Variants in MTREX observed in about 807,000 individuals in gnomAD.
MTREX encodes the protein exosome RNA helicase MTR4.
Under a neutral mutation model 135.4 loss-of-function variants are expected in MTREX, and 76 were observed. The ratio of observed to expected loss-of-function variants is 0.56; its 90% CI spans 0.47 to 0.68. MTREX has a LOEUF of 0.68. Among genes scored for constraint, MTREX ranks in the 30% least tolerant of loss-of-function variants. The pLI is 0.00. For missense variants in MTREX, 920 were observed against 1,262.1 expected (o/e 0.73, Z 4.11); for synonymous variants, 404 against 401.6 (o/e 1.01, Z -0.07).
chr5:55,389,847 T>A (rs199652888), intron 19 of MTREX, among the ~76,000 whole-genome samples: 1 of 140,422 alleles, frequency 7.1e-6, no homozygotes, highest in African/African-American at 2.8e-5. Context: ...TAATTATATA[T>A]GTTTTATAAA....
chr5:55,405,340 AT>A lies in MTREX; in HGVS notation c.2482-79del, dbSNP rs564013513. 1.9e-5 allele frequency: 23 copies of A among 1,203,682 alleles called. No homozygotes were observed. The South Asian group carries it at 2.1e-4, about 11-fold the overall frequency. The allele number at this position is 1,203,682 out of a possible 1,614,324, so 74.6% of individuals were successfully genotyped here. On this transcript the variant is annotated intron_variant, in intron 21 of 26. Transcript: ENST00000230640. The stretch of plus-strand genomic sequence containing the variant: ...ATACTGTAAGATGTTCTTTAAAAAT[AT>A]TTTTTGTTTGATTTCATGAATAAAT...
At chr5:55,355,224 C>T (rs989108790) in intron 14 of MTREX, among the ~76,000 whole-genome samples, 2 of 152,144 alleles carry the variant, frequency 1.3e-5, no homozygotes, top group African/African-American at 2.4e-5. Flanking sequence ...CACTCCCAGG[C>T]TCTCTATACT....
At chr5:55,381,431 C>G (rs1398129574) in intron 18 of MTREX, among the ~76,000 whole-genome samples, 1 of 152,168 alleles carries the variant, frequency 6.6e-6, no homozygotes, top group Admixed American at 6.5e-5. Context: ...GACGCTTTAG[C>G]TGTATTCCAT....
chr5:55,370,652 G>A (rs1187980822), intron 16 of MTREX, among the ~76,000 whole-genome samples: 5 of 152,316 alleles, frequency 3.3e-5, no homozygotes, highest in East Asian at 3.9e-4. Context: ...AGGAATTTGA[G>A]TGATGAAAGA....
chr5:55,320,789 G>T (rs1749275876), intron 1 of MTREX, among the ~76,000 whole-genome samples: 1 of 152,184 alleles, frequency 6.6e-6, no homozygotes, highest in African/African-American at 2.4e-5. Flanking sequence ...AAATGGAATA[G>T]CAGTTCTGAG....
At position 55,340,103 on chromosome 5, in the gene MTREX, T is replaced by C. The variant is rs757071398; in HGVS notation, c.609T>C (p.Tyr203=). ...GTAACCAAAAATACCGTGAAATGTA[T>C]GAAGAATTTCAAGATGTTGGTTTGA... ...ALSNQKYREM[Y]EEFQDVGLMT... Residue 203 remains tyrosine, a synonymous_variant, in exon 6 of 27, where the codon TAT becomes TAC. Coordinates refer to ENST00000230640, the MANE Select transcript of MTREX (RefSeq NM_015360.5). The C allele has an allele frequency of 6.2e-7, 1 of 1,605,544 alleles. No individual in the cohort carries two copies. The highest frequency in any genetic ancestry group is 8.5e-7 in the Non-Finnish European group (1 of 1,175,966).
At chr5:55,411,170 A>G (rs1352210488) in intron 23 of MTREX, among the ~76,000 whole-genome samples, 1 of 152,232 alleles carries the variant, frequency 6.6e-6, no homozygotes, top group Admixed American at 6.5e-5. Context: ...TAAGAAATCA[A>G]AAAATGAAGT....
At chr5:55,399,677 C>T (rs534218583) in intron 20 of MTREX, among the ~76,000 whole-genome samples, 389 of 152,000 alleles carry the variant, frequency 2.6e-3, no homozygotes, top group African/African-American at 9.1e-3. Flanking sequence ...TTAGTAGAGA[C>T]GGGGTTTCAC....
chr5:55,413,956 A>G (rs969629631), intron 23 of MTREX, among the ~76,000 whole-genome samples: 1 of 152,192 alleles, frequency 6.6e-6, no homozygotes, highest in Non-Finnish European at 1.5e-5. Flanking sequence ...TTAGCGGTGT[A>G]TTTTCCTCTG....
intron 24 of MTREX, 28 bp downstream of exon 24, chr5:55,414,266 C>G (rs533445152): frequency 1.0e-6 from 1 of 992,708 alleles, no homozygotes; most frequent in Non-Finnish European, 1.4e-6. Context: ...TTTTTTTGAA[C>G]TACATATTTT....
At chr5:55,413,353 T>A (rs1025588487) in intron 23 of MTREX, among the ~76,000 whole-genome samples, 7 of 147,320 alleles carry the variant, frequency 4.8e-5, no homozygotes, top group South Asian at 4.3e-4. Context: ...AAAAAAAAAA[T>A]AGCCATAATT....
intron 16 of MTREX, among the ~76,000 whole-genome samples, chr5:55,376,995 T>C (rs1750314035): frequency 1.3e-5 from 2 of 151,090 alleles, no homozygotes; most frequent in Admixed American, 6.6e-5. Context: ...CACTTAAACC[T>C]GTGAGGCTGA....
chr5:55,325,159 T>C (rs1346400908), intron 3 of MTREX, among the ~76,000 whole-genome samples: 4 of 152,154 alleles, frequency 2.6e-5, no homozygotes, highest in South Asian at 4.1e-4. Context: ...AGAATCTCAT[T>C]AAAAGTCTGT....
rs558634664 is a variant in MTREX at position 55,325,495 on chromosome 5, CTAATTTTTTTTTTT to C, written c.339+1312_339+1325del. 1.1e-4 allele frequency among the ~76,000 whole-genome samples: 16 copies of C among 150,892 alleles called. No individual in the cohort carries two copies. The South Asian group carries it at 3.0e-3, about 28-fold the overall frequency. On this transcript the variant is annotated intron_variant, in intron 3 of 26. Transcript: ENST00000230640. ...TACAGGTGCGTGCCACCACGCTTGG[CTAATTTTTTTTTTT>C]TAATTTTTTTTTTTATTTTTAGTAG...
At chr5:55,341,635 G>A (rs922231826) in intron 6 of MTREX, 46 bp from the exon 7 acceptor site, 4 of 1,031,184 alleles carry the variant, frequency 3.9e-6, no homozygotes, top group Non-Finnish European at 5.8e-6. Context: ...ACTATTAGCT[G>A]TTATGTCAGA....
chr5:55,362,226 C>G (rs1264829892), intron 15 of MTREX, among the ~76,000 whole-genome samples: 1 of 151,890 alleles, frequency 6.6e-6, no homozygotes, highest in Non-Finnish European at 1.5e-5. Flanking sequence ...AACCATCGCG[C>G]TGGCTGGCTT....
At chr5:55,422,667 T>G (rs1486196943) in intron 25 of MTREX, among the ~76,000 whole-genome samples, 2 of 152,180 alleles carry the variant, frequency 1.3e-5, no homozygotes, top group East Asian at 3.8e-4. Flanking sequence ...AGCATGTTAG[T>G]AATAAACAGG....
At chr5:55,405,759 C>T (rs1750795354) in intron 22 of MTREX, among the ~76,000 whole-genome samples, 171 bp downstream of exon 22, 3 of 151,862 alleles carry the variant, frequency 2.0e-5, no homozygotes, top group African/African-American at 7.3e-5. Context: ...TTAAAAATAA[C>T]CATTATCTTT....
chr5:55,409,051 A>C (rs1381493203), intron 22 of MTREX, among the ~76,000 whole-genome samples: 7 of 152,012 alleles, frequency 4.6e-5, no homozygotes, highest in Non-Finnish European at 1.0e-4. Context: ...TCCTGGGCTT[A>C]AGTGATCCTC....
Sources: gnomAD v4.1 joint callset for allele counts (sites outside exome capture counted in the v4.1 genomes callset) on GRCh38, gnomAD v4.1.1 for gene constraint, MANE v1.5 for transcripts, NCBI Gene and HGNC (gene_info 2026-07-23, HGNC 2026-07-21) for gene names.